Variants in DSG4 observed in about 807,000 individuals in gnomAD.
DSG4 encodes the protein desmoglein-4.
In DSG4, 87 loss-of-function variants were observed where a neutral mutation model predicts 93.1. That is an observed-to-expected ratio of 0.93 (90% CI 0.79 to 1.12). The LOEUF (loss-of-function observed/expected upper bound fraction) is 1.12. Ranked by LOEUF, DSG4 falls within the 50% of genes most tolerant of loss-of-function variation. The pLI is 0.00. For synonymous variants in DSG4, 432 were observed against 452.9 expected, an observed-to-expected ratio of 0.95 and a Z score of 0.59; for missense variants, 1,373 against 1,285.7, an observed-to-expected ratio of 1.07 and a Z score of -1.04.
At position 31,412,748 on chromosome 18, in the gene DSG4, TCTC is replaced by T. The variant is rs1352352940; in HGVS notation, c.2356-79_2356-77del. ...ATTCCGTAACAACTTAACTCAGAAG[TCTC>T]TCTGAGGGATTGCTGTTATTCTTCC... On this transcript the variant is annotated intron_variant, in intron 15 of 15. Transcript: ENST00000308128. 1.2e-4 allele frequency: 169 copies of T among 1,443,314 alleles called. No homozygotes were observed. The African/African-American group carries it at 2.1e-3, about 18-fold the overall frequency. The allele number at this position is 1,443,314 out of a possible 1,614,324, so 89.4% of individuals were successfully genotyped here. A position where few individuals can be genotyped will look rare whatever the true frequency, so the allele number is the denominator to read the frequency against.
chr18:31,391,454 T>C lies in DSG4; in HGVS notation c.819+242T>C, dbSNP rs548197588. The stretch of plus-strand genomic sequence containing the variant: ...TGAAAGCAACGAACTATCTATTCTG[T>C]ATACTCTATTCACAGAAACACAGAA... On this transcript the variant is annotated intron_variant, in intron 7 of 15. Coordinates refer to ENST00000308128, the MANE Select transcript of DSG4 (RefSeq NM_177986.5). Among the ~76,000 whole-genome samples, 3 of 152,302 alleles carry C rather than the reference T, an allele frequency of 2.0e-5. No individual in the cohort carries two copies. The East Asian group carries it at 5.8e-4, about 29-fold the overall frequency.
intron 8 of DSG4, among the ~76,000 whole-genome samples, chr18:31,397,496 G>A (rs1010759853): frequency 7.2e-5 from 11 of 152,230 alleles, no homozygotes; most frequent in Admixed American, 2.6e-4. Context: ...TGCGAAGAAT[G>A]AGTAAACAAT....
intron 10 of DSG4, chr18:31,401,543 A>T (rs2072366862): frequency 6.6e-6 from 1 of 152,542 alleles, no homozygotes; most frequent in Admixed American, 6.5e-5. Flanking sequence ...CAAATATAAG[A>T]TCCATATTAA....
At chr18:31,386,956 C>A in intron 3 of DSG4, 137 bp downstream of exon 3, 1 of 1,410,838 alleles carries the variant, frequency 7.1e-7, no homozygotes, top group Non-Finnish European at 9.8e-7. Flanking sequence ...AGTTGCTGAG[C>A]CACTGATTTG....
chr18:31,387,315 T>C (rs527769829), intron 3 of DSG4, among the ~76,000 whole-genome samples: 1 of 152,286 alleles, frequency 6.6e-6, no homozygotes, highest in East Asian at 1.9e-4. Context: ...TGTAATAAAT[T>C]GATCCAGGAA....
Position 31,395,543 on chromosome 18 carries a change from C to T in DSG4, c.1005+3203C>T, listed in dbSNP as rs2072296466. ...GTAATTTTCCCATGTTTGACATTTT[C>T]AACAGCTGGTGGTCAGCCTCTCATT... On this transcript the variant is annotated intron_variant, in intron 8 of 15. Transcript: ENST00000308128. Among the ~76,000 whole-genome samples the T allele has an allele frequency of 4.6e-5, 7 of 151,550 alleles. No individual in the cohort carries two copies. In the South Asian group the frequency reaches 1.5e-3, roughly 31 times the overall value.
chr18:31,411,509 TACTC>T, intron 15 of DSG4, 61 bp downstream of exon 15: 2 of 1,570,580 alleles, frequency 1.3e-6, no homozygotes, highest in South Asian at 2.2e-5. Context: ...AATAGTAAAA[TACTC>T]ACAATGGTAG....
chr18:31,410,409 CTATA>C (rs1009272239), intron 14 of DSG4, among the ~76,000 whole-genome samples: 2 of 151,062 alleles, frequency 1.3e-5, no homozygotes, highest in South Asian at 4.2e-4. Context: ...GTATGTGTGT[CTATA>C]TATATACACA....
In DSG4 at chr18:31,376,931, G is replaced by C; in HGVS notation, c.20G>C (p.Arg7Thr). MDWLFF[R>T]NICLLIILMV... is the part of the protein sequence containing the mutation. ...AAAGGAATGGATTGGCTCTTCTTCAGAAACATTTGCCTTTTGATCATTCTA... is the reference window on the plus strand; with the variant it reads ...AAAGGAATGGATTGGCTCTTCTTCACAAACATTTGCCTTTTGATCATTCTA... The change falls in exon 1 of 16, where the codon AGA becomes ACA. Residue 7 changes from arginine to threonine, a missense_variant. Transcript: ENST00000308128. 1 of 1,613,634 alleles carries C rather than the reference G, an allele frequency of 6.2e-7. No homozygotes were observed. Among genetic ancestry groups the C allele is most frequent in the African/African-American group, 1.3e-5 (1 of 75,022 alleles).
chr18:31,381,815 C>T (rs1009096348), intron 1 of DSG4, among the ~76,000 whole-genome samples: 3 of 151,028 alleles, frequency 2.0e-5, no homozygotes, highest in Admixed American at 2.0e-4. Context: ...CACCCGCCAC[C>T]ACGCCCAGCT....
intron 5 of DSG4, among the ~76,000 whole-genome samples, chr18:31,389,560 C>T (rs2072226401): frequency 6.6e-6 from 1 of 151,938 alleles, no homozygotes; most frequent in Non-Finnish European, 1.5e-5. Flanking sequence ...TCTGTCTTTC[C>T]TTTATATTAA....
In DSG4 at chr18:31,376,799, C is replaced by T; in HGVS notation, c.-113C>T. 8.8e-7 allele frequency: 1 copy of T among 1,140,824 alleles called. No homozygotes were observed. Among genetic ancestry groups the T allele is most frequent in the South Asian group, 1.3e-5 (1 of 78,392 alleles). The allele number at this position is 1,140,824 out of a possible 1,614,324, so 70.7% of individuals were successfully genotyped here. ...GATCACCACAGTTATCACCCATGCC[C>T]TCCTAAAAGGGTGTCTCAAAGCATA... On this transcript the variant is annotated 5_prime_UTR_variant, in exon 1 of 16. Transcript: ENST00000308128.
rs2072180241 is a variant in DSG4 at position 31,385,718 on chromosome 18, C to A, written c.84+547C>A. Among the ~76,000 whole-genome samples the A allele has an allele frequency of 2.0e-5, 3 of 152,008 alleles. No homozygotes were observed. In the South Asian group the frequency reaches 6.2e-4, roughly 31 times the overall value. On this transcript the variant is annotated intron_variant, in intron 2 of 15. Transcript: ENST00000308128. ...ATTGGAAAAAATAAAGTTTTCTCAT[C>A]TTTTTGGTGAAATAGGGAATAGGTG...
intron 12 of DSG4, among the ~76,000 whole-genome samples, chr18:31,408,628 T>G (rs2072452885): frequency 6.6e-6 from 1 of 152,358 alleles, no homozygotes; most frequent in East Asian, 1.9e-4. Flanking sequence ...AGGCATGCAA[T>G]GTGAAATAAT....
At chr18:31,388,250 G>A in intron 3 of DSG4, 117 bp from the exon 4 acceptor site, 3 of 1,166,464 alleles carry the variant, frequency 2.6e-6, no homozygotes, top group Non-Finnish European at 3.7e-6. Context: ...AAGTCATGGT[G>A]TCAGGTTTCA....
Position 31,412,803 on chromosome 18 carries a change from A to C in DSG4, c.2356-25A>C, listed in dbSNP as rs1420873243. Reference sequence around the variant, plus strand: ...TATTTTAGGGAAAAAGAAATTTCTAATTCTGTATTTCCTTTTAATTTTAGA... The same window carrying C: ...TATTTTAGGGAAAAAGAAATTTCTACTTCTGTATTTCCTTTTAATTTTAGA... On this transcript the variant is annotated intron_variant, in intron 15 of 15. Transcript: ENST00000308128. 15 of 1,613,298 alleles carry C rather than the reference A, an allele frequency of 9.3e-6. No homozygotes were observed. The Admixed American group carries it at 2.3e-4, about 25-fold the overall frequency.
chr18:31,380,704 G>T (rs1051835889), intron 1 of DSG4, among the ~76,000 whole-genome samples: 8 of 152,260 alleles, frequency 5.3e-5, no homozygotes, highest in East Asian at 1.9e-4. Context: ...ATTCAGGAAA[G>T]AACTGCTTAT....
chr18:31,388,857 T>C lies in DSG4; in HGVS notation c.373-17T>C. The C allele has an allele frequency of 6.2e-7, 1 of 1,613,396 alleles. No individual in the cohort carries two copies. The highest frequency in any genetic ancestry group is 8.5e-7 in the Non-Finnish European group (1 of 1,179,480). On this transcript the variant is annotated splice_polypyrimidine_tract_variant and intron_variant, in intron 4 of 15. Transcript: ENST00000308128. Reference sequence around the variant, plus strand: ...TCCTTTGGTGGAAAAAGATGGCTTTTTTCCAATTTTCCACAGATCTATTGC... The same window carrying C: ...TCCTTTGGTGGAAAAAGATGGCTTTCTTCCAATTTTCCACAGATCTATTGC...
intron 12 of DSG4, among the ~76,000 whole-genome samples, 192 bp from the exon 13 acceptor site, chr18:31,409,260 T>G (rs1170277621): frequency 2.6e-5 from 4 of 152,224 alleles, no homozygotes; most frequent in Non-Finnish European, 5.9e-5. Flanking sequence ...TCTATGTGAT[T>G]TGGTGGTGCT....
Sources: gnomAD v4.1 joint callset for allele counts (sites outside exome capture counted in the v4.1 genomes callset) on GRCh38, gnomAD v4.1.1 for gene constraint, MANE v1.5 for transcripts, NCBI Gene and HGNC (gene_info 2026-07-23, HGNC 2026-07-21) for gene names.